Variants in ZNF678 observed in about 807,000 individuals in gnomAD.
The protein encoded by ZNF678 is hypothetical protein MGC42493.
Under a neutral mutation model 3.0 loss-of-function variants are expected in ZNF678, and 5 were observed. The observed-to-expected ratio is 1.69, with a 90% confidence interval of 0.88 to 3.56. The LOEUF (loss-of-function observed/expected upper bound fraction) is 3.56. ZNF678 is among the 30% of genes most tolerant of loss of function. The pLI is 0.00. For synonymous variants in ZNF678, 218 were observed against 199.6 expected (o/e 1.09, Z -0.78); for missense variants, 593 against 605.0 (o/e 0.98, Z 0.21).
intron 1 of ZNF678, among the ~76,000 whole-genome samples, chr1:227,567,880 G>A (rs1167744623): frequency 2.0e-5 from 3 of 151,972 alleles, no homozygotes; most frequent in Non-Finnish European, 2.9e-5. Flanking sequence ...ATATTGCAAC[G>A]GGAAAAATAC....
At chr1:227,597,316 C>T (rs1198936275) in intron 1 of ZNF678, among the ~76,000 whole-genome samples, 1 of 152,226 alleles carries the variant, frequency 6.6e-6, no homozygotes, top group Non-Finnish European at 1.5e-5. Context: ...TCCTTGCCCT[C>T]ATTCCGGTAA....
chr1:227,595,029 G>A (rs760326032), intron 1 of ZNF678, among the ~76,000 whole-genome samples: 9 of 152,272 alleles, frequency 5.9e-5, no homozygotes, highest in African/African-American at 1.4e-4. Context: ...CAGTGCTTTC[G>A]GGATACGCCC....
intron 1 of ZNF678, among the ~76,000 whole-genome samples, chr1:227,584,356 A>G (rs192838697): frequency 3.3e-5 from 5 of 152,202 alleles, no homozygotes; most frequent in African/African-American, 1.2e-4. Flanking sequence ...CCGTTTATCC[A>G]CTCTCCTCTC....
intron 5 of ZNF678, among the ~76,000 whole-genome samples, chr1:227,670,492 G>A (rs1381134625): frequency 1.3e-5 from 2 of 152,154 alleles, no homozygotes; most frequent in African/African-American, 4.8e-5. Flanking sequence ...GGGCTTCAGA[G>A]GGCCTCCCTG....
At chr1:227,675,698 T>G (rs1307779348) in intron 5 of ZNF678, among the ~76,000 whole-genome samples, 1 of 152,064 alleles carries the variant, frequency 6.6e-6, no homozygotes, top group African/African-American at 2.4e-5. Flanking sequence ...GGCAACATGG[T>G]ACACACTCCA....
intron 1 of ZNF678, among the ~76,000 whole-genome samples, chr1:227,579,425 G>A (rs768227995): frequency 5.3e-5 from 8 of 152,136 alleles, no homozygotes; most frequent in Non-Finnish European, 8.8e-5. Flanking sequence ...GGGTGCTAGT[G>A]TGGGTAGGGC....
chr1:227,567,710 AT>A (rs532715585), intron 1 of ZNF678, among the ~76,000 whole-genome samples: 46 of 149,846 alleles, frequency 3.1e-4, no homozygotes, highest in African/African-American at 1.0e-3. Flanking sequence ...TTTTATTTTT[AT>A]TTTTTTATTT....
intron 1 of ZNF678, among the ~76,000 whole-genome samples, chr1:227,589,136 T>G (rs1342703780): frequency 7.4e-5 from 11 of 148,356 alleles, no homozygotes; most frequent in Non-Finnish European, 1.5e-4. Context: ...CAGAAGCTCT[T>G]TAGTTTAATT....
chr1:227,600,106 C>CA (rs1233216880), intron 1 of ZNF678, among the ~76,000 whole-genome samples: 1 of 152,114 alleles, frequency 6.6e-6, no homozygotes, highest in Non-Finnish European at 1.5e-5. Context: ...AATGGCCTCC[C>CA]ACTCCACCCA....
At chr1:227,607,894 A>T (rs2999747) in intron 1 of ZNF678, among the ~76,000 whole-genome samples, 2,794 of 150,792 alleles carry the variant, frequency 0.019, 83 homozygotes, top group African/African-American at 0.064. Context: ...TTCATAGGGG[A>T]CATTAAAACT....
At chr1:227,582,578 C>A in intron 1 of ZNF678, 1 of 250,958 alleles carries the variant, frequency 4.0e-6, no homozygotes, top group Non-Finnish European at 8.4e-6. Flanking sequence ...ATTCTTCTGC[C>A]TAATCCTCCC....
chr1:227,580,623 A>G (rs1008831361), intron 1 of ZNF678, among the ~76,000 whole-genome samples: 11 of 152,118 alleles, frequency 7.2e-5, no homozygotes, highest in East Asian at 1.9e-4. Context: ...TTCTAAGTCT[A>G]TTTTGGCCAA....
intron 1 of ZNF678, chr1:227,598,757 G>A (rs1657658915): frequency 1.9e-6 from 1 of 530,048 alleles, no homozygotes; most frequent in Non-Finnish European, 3.5e-6. Context: ...TATGTCAACG[G>A]TTCTTTTTCT....
At position 227,570,916 on chromosome 1, in the gene ZNF678, G is replaced by A. The variant is rs188287461; in HGVS notation, c.-164+7192G>A. On this transcript the variant is annotated intron_variant, in intron 1 of 3. Coordinates refer to ENST00000343776, the MANE Select transcript of ZNF678 (RefSeq NM_001367909.1). ...CACCTGTAAGATTAAGTTTAGTGCA[G>A]ACAAAAGGGCTCATTAAGATTTTCA... Among the ~76,000 whole-genome samples the A allele has an allele frequency of 3.5e-4, 54 of 152,176 alleles. No individual in the cohort carries two copies. In the South Asian group the frequency reaches 4.4e-3, roughly 12 times the overall value.
At chr1:227,672,810 C>T (rs1659623187) in intron 5 of ZNF678, among the ~76,000 whole-genome samples, 1 of 152,138 alleles carries the variant, frequency 6.6e-6, no homozygotes, top group African/African-American at 2.4e-5. Context: ...TTCTGAGGCT[C>T]TGACACAGTC....
Position 227,591,396 on chromosome 1 carries a change from G to T in ZNF678, c.-164+27672G>T, listed in dbSNP as rs185759058. ...TTTTTTAAATTTAAGTAGCCTAAAT[G>T]ACACAAGACCAGTATCTACATTTAT... On this transcript the variant is annotated intron_variant, in intron 1 of 3. Transcript: ENST00000343776. Among the ~76,000 whole-genome samples the T allele has an allele frequency of 1.4e-4, 22 of 152,238 alleles. 1 individual carries two copies. The highest frequency in any genetic ancestry group is 5.3e-4 in the African/African-American group (22 of 41,540).
chr1:227,620,233 G>A (rs1658246486), intron 1 of ZNF678, among the ~76,000 whole-genome samples: 1 of 152,160 alleles, frequency 6.6e-6, no homozygotes, highest in South Asian at 2.1e-4. Context: ...ACAAAGTATG[G>A]AGTAAACTGT....
At chr1:227,611,539 A>T (rs1042114739) in intron 1 of ZNF678, among the ~76,000 whole-genome samples, 2 of 152,200 alleles carry the variant, frequency 1.3e-5, no homozygotes, top group Non-Finnish European at 2.9e-5. Flanking sequence ...CACTCACAAG[A>T]CATTCACCTT....
At chr1:227,627,534 G>T (rs1658448108) in intron 1 of ZNF678, among the ~76,000 whole-genome samples, 1 of 152,044 alleles carries the variant, frequency 6.6e-6, no homozygotes, top group Admixed American at 6.6e-5. Flanking sequence ...GCCACCTCTA[G>T]GTTTCTGTAC....
Sources: allele counts gnomAD v4.1 joint callset (sites outside exome capture counted in the v4.1 genomes callset), GRCh38; gene constraint gnomAD v4.1.1; transcripts MANE v1.5; gene names NCBI Gene and HGNC (gene_info 2026-07-23, HGNC 2026-07-21).